The following ANK2 variants were observed in gnomAD, a reference collection of about 807,000 sequenced individuals.
ANK2 encodes the protein ankyrin 2.
A neutral mutation model predicts 360.5 loss-of-function variants in ANK2; 83 were observed. The ratio of observed to expected loss-of-function variants is 0.23; its 90% confidence interval spans 0.19 to 0.28. ANK2 has a LOEUF of 0.28. Among genes scored for constraint, ANK2 ranks in the 10% least tolerant of loss-of-function variants. The pLI is 1.00. For synonymous variants in ANK2, 1,740 were observed against 1,759.5 expected (o/e 0.99, Z 0.28); for missense variants, 4,201 against 4,795.7 (o/e 0.88, Z 3.66).
chr4:113,001,961 G>A (rs1387135210), intron 2 of ANK2, among the ~76,000 whole-genome samples: 2 of 151,982 alleles, frequency 1.3e-5, no homozygotes, highest in South Asian at 2.1e-4. Context: ...ATTATCTAAT[G>A]TCTTAAAAAT....
intron 2 of ANK2, among the ~76,000 whole-genome samples, chr4:112,912,821 C>G (rs890151600): frequency 6.6e-6 from 1 of 151,824 alleles, no homozygotes; most frequent in African/African-American, 2.4e-5. Flanking sequence ...CAAGTCCAGC[C>G]TGGGCAACAT....
intron 1 of ANK2, among the ~76,000 whole-genome samples, chr4:113,088,734 G>T (rs76065429): frequency 0.12 from 17,484 of 152,026 alleles, 1,216 homozygotes; most frequent in African/African-American, 0.19. Flanking sequence ...TGAATCCACC[G>T]AACTGTCACA....
intron 1 of ANK2, among the ~76,000 whole-genome samples, chr4:113,059,091 A>G (rs1489925490): frequency 6.6e-6 from 1 of 152,148 alleles, no homozygotes; most frequent in African/African-American, 2.4e-5. Flanking sequence ...AATTCCATTC[A>G]TGAAGACTCT....
At chr4:112,835,540 G>A (rs1350031578) in intron 1 of ANK2, among the ~76,000 whole-genome samples, 2 of 152,010 alleles carry the variant, frequency 1.3e-5, no homozygotes, top group African/African-American at 4.8e-5. Context: ...AATATAAGAG[G>A]CCAGACCTGT....
In ANK2 at chr4:113,062,294, C is replaced by A. The variant is rs571621851; in HGVS notation, c.84+12482C>A. ...TCATGTGGAGACCATCATGATATGG[C>A]CTAATCTATAATTTAAGTATCATGT... On this transcript the variant is annotated intron_variant, in intron 1 of 45. Transcript: ENST00000357077. Among the ~76,000 whole-genome samples, 11 of 152,074 alleles carry A rather than the reference C, an allele frequency of 7.2e-5. No homozygotes were observed. The South Asian group carries it at 2.3e-3, about 32-fold the overall frequency.
At chr4:112,961,840 A>G (rs963326701) in intron 2 of ANK2, among the ~76,000 whole-genome samples, 1 of 151,452 alleles carries the variant, frequency 6.6e-6, no homozygotes, top group Non-Finnish European at 1.5e-5. Context: ...GCCCATTATA[A>G]TGACTTGAAA....
At chr4:112,724,556 T>TAAACAC in the ANK2 span, among the ~76,000 whole-genome samples, 1 of 141,768 alleles carries the variant, frequency 7.1e-6, no homozygotes, top group African/African-American at 2.6e-5. Flanking sequence ...CACACACACA[T>TAAACAC]ACACACACAC....
intron 2 of ANK2, among the ~76,000 whole-genome samples, chr4:113,028,290 C>A (rs1286440275): frequency 6.6e-6 from 1 of 151,898 alleles, no homozygotes; most frequent in African/African-American, 2.4e-5. Flanking sequence ...TAGAAGGTAG[C>A]CAAACAAATG....
At chr4:113,185,065 A>G (rs1239349242) in intron 2 of ANK2, among the ~76,000 whole-genome samples, 1 of 152,150 alleles carries the variant, frequency 6.6e-6, no homozygotes, top group Admixed American at 6.5e-5. Flanking sequence ...ATAGTATTCC[A>G]TGGTGTATAT....
chr4:113,042,204 A>G (rs1026083132), intron 2 of ANK2, among the ~76,000 whole-genome samples: 1 of 152,088 alleles, frequency 6.6e-6, no homozygotes, highest in African/African-American at 2.4e-5. Flanking sequence ...TGGCACATCC[A>G]TCTCTTCCTG....
intron 26 of ANK2, among the ~76,000 whole-genome samples, chr4:113,322,950 G>A (rs940385299): frequency 6.6e-6 from 1 of 151,994 alleles, no homozygotes; most frequent in African/African-American, 2.4e-5. Context: ...GATGAGGAAA[G>A]TTTTTTCATA....
intron 13 of ANK2, among the ~76,000 whole-genome samples, chr4:113,260,366 T>C (rs762766183): frequency 1.3e-5 from 2 of 152,228 alleles, no homozygotes; most frequent in African/African-American, 2.4e-5. Flanking sequence ...TTGACAATCA[T>C]TATATTAAAC....
At chr4:113,303,953 A>G (rs1485633517) in intron 23 of ANK2, among the ~76,000 whole-genome samples, 1 of 152,238 alleles carries the variant, frequency 6.6e-6, no homozygotes, top group Non-Finnish European at 1.5e-5. Flanking sequence ...AGATGTCCTT[A>G]TTTAGAACCA....
At chr4:112,833,276 A>G (rs1426690216) in intron 1 of ANK2, among the ~76,000 whole-genome samples, 20 of 152,244 alleles carry the variant, frequency 1.3e-4, no homozygotes, top group Admixed American at 1.1e-3. Flanking sequence ...TCTTTAGACC[A>G]TAGTAGCTCT....
At chr4:112,810,483 A>C in the ANK2 span, among the ~76,000 whole-genome samples, 1 of 152,062 alleles carries the variant, frequency 6.6e-6, no homozygotes, top group Non-Finnish European at 1.5e-5. Flanking sequence ...CATGATTCTT[A>C]ATATGTGGTG....
chr4:112,869,891 G>A (rs1051465316), intron 1 of ANK2, among the ~76,000 whole-genome samples: 2 of 151,842 alleles, frequency 1.3e-5, no homozygotes, highest in Non-Finnish European at 2.9e-5. Flanking sequence ...ACATGTTTGC[G>A]AGCTCATCTT....
At chr4:112,749,484 T>A in the ANK2 span, among the ~76,000 whole-genome samples, 6 of 152,154 alleles carry the variant, frequency 3.9e-5, no homozygotes, top group African/African-American at 1.4e-4. Flanking sequence ...AAAGTTATAT[T>A]CAGAAAATGT....
At chr4:112,875,375 G>A (rs745378494) in intron 1 of ANK2, among the ~76,000 whole-genome samples, 3 of 152,124 alleles carry the variant, frequency 2.0e-5, no homozygotes, top group African/African-American at 7.2e-5. Flanking sequence ...GTGCAGTGGT[G>A]CCATCATAGC....
the ANK2 span, among the ~76,000 whole-genome samples, chr4:112,715,160 C>T: frequency 6.6e-6 from 1 of 152,134 alleles, no homozygotes; most frequent in Non-Finnish European, 1.5e-5. Flanking sequence ...GCTAGAACAC[C>T]TATATAAGTC....
Sources: gnomAD v4.1 joint callset for allele counts (sites outside exome capture counted in the v4.1 genomes callset) on GRCh38, gnomAD v4.1.1 for gene constraint, MANE v1.5 for transcripts, NCBI Gene and HGNC (gene_info 2026-07-23, HGNC 2026-07-21) for gene names.